LHX4: variants seen among roughly 807,000 people sequenced by gnomAD.
LHX4 encodes LIM/homeobox protein Lhx4.
A neutral mutation model predicts 39.2 loss-of-function variants in LHX4; 16 were observed. That is an observed-to-expected ratio of 0.41 (90% CI 0.28 to 0.62). LHX4 has a LOEUF of 0.62. Among genes scored for constraint, LHX4 ranks in the 20% least tolerant of loss-of-function variants. The probability of loss-of-function intolerance (pLI) is 0.33; values close to 1 mark genes in which losing one functional copy is unlikely to be tolerated. For missense variants in LHX4, 439 were observed against 511.9 expected (o/e 0.86, Z 1.37); for synonymous variants, 206 against 198.1 (o/e 1.04, Z -0.33).
At chr1:180,246,920 G>A (rs1015965369) in intron 1 of LHX4, among the ~76,000 whole-genome samples, 4 of 152,184 alleles carry the variant, frequency 2.6e-5, no homozygotes, top group Non-Finnish European at 5.9e-5. Context: ...GGCAGTGACC[G>A]TTTAGACAAA....
chr1:180,256,578 T>C (rs2149259627), intron 2 of LHX4, among the ~76,000 whole-genome samples: 1 of 152,268 alleles, frequency 6.6e-6, no homozygotes, highest in South Asian at 2.1e-4. Context: ...TTTGGGACTC[T>C]GACAATTGAT....
Position 180,274,379 on chromosome 1 carries a change from C to T in LHX4, c.973C>T (p.Pro325Ser), listed in dbSNP as rs148293290. The T allele has an allele frequency of 5.6e-6, 9 of 1,614,092 alleles. No individual in the cohort carries two copies. In the African/African-American group the frequency reaches 1.2e-4, roughly 22 times the overall value. The stretch of plus-strand genomic sequence containing the variant: ...CATATCGTCCCTGCCATCCCACGCT[C>T]CTTTGCTCAATGGGCTGGATTACAC... The part of the protein sequence containing the change: ...SSISSLPSHA[P>S]LLNGLDYTVD... The change falls in exon 6 of 6, where the codon CCT becomes TCT. Residue 325 changes from proline to serine, a missense_variant. Physicochemically the swap from Pro to Ser is moderately conservative, Grantham distance 74 (BLOSUM62 -1). Transcript: ENST00000263726.
chr1:180,238,844 G>T (rs559520567), intron 1 of LHX4, among the ~76,000 whole-genome samples: 1 of 152,310 alleles, frequency 6.6e-6, no homozygotes, highest in South Asian at 2.1e-4. Context: ...GGGTTGGGGG[G>T]CGGCACACAC....
At chr1:180,246,945 G>T (rs1193042075) in intron 1 of LHX4, among the ~76,000 whole-genome samples, 1 of 152,216 alleles carries the variant, frequency 6.6e-6, no homozygotes, top group Non-Finnish European at 1.5e-5. Context: ...GAGCAAAGGT[G>T]TCTTTTATAA....
At chr1:180,229,872 C>T (rs1345151518), upstream of LHX4, among the ~76,000 whole-genome samples, 1 of 151,472 alleles carries the variant, frequency 6.6e-6, no homozygotes, top group Admixed American at 6.6e-5. Flanking sequence ...CCGCCGTCTC[C>T]GACCACCTGC....
intron 2 of LHX4, among the ~76,000 whole-genome samples, chr1:180,256,722 A>G (rs1447429100): frequency 6.6e-6 from 1 of 152,122 alleles, no homozygotes; most frequent in East Asian, 1.9e-4. Context: ...AGTGGGAGTC[A>G]GGGGTGGCTT....
At chr1:180,244,953 G>A (rs1419880561) in intron 1 of LHX4, among the ~76,000 whole-genome samples, 3 of 152,356 alleles carry the variant, frequency 2.0e-5, no homozygotes, top group African/African-American at 7.2e-5. Context: ...CTCCTGCCAC[G>A]GCTGTGCCCC....
chr1:180,242,482 G>C (rs147503579), intron 1 of LHX4, among the ~76,000 whole-genome samples: 1 of 152,094 alleles, frequency 6.6e-6, no homozygotes, highest in Non-Finnish European at 1.5e-5. Flanking sequence ...GTGTGGGCGT[G>C]TATATATATC....
chr1:180,259,011 G>A (rs1467542926), intron 2 of LHX4, among the ~76,000 whole-genome samples: 1 of 151,962 alleles, frequency 6.6e-6, no homozygotes, highest in Non-Finnish European at 1.5e-5. Flanking sequence ...GTTTGGTTTT[G>A]GACTCCAAAT....
chr1:180,273,882 T>C (rs1648843882), intron 5 of LHX4: 3 of 418,358 alleles, frequency 7.2e-6, no homozygotes, highest in Non-Finnish European at 1.3e-5. Flanking sequence ...GCATTCATCC[T>C]CCTCAGTGTA....
intron 1 of LHX4, among the ~76,000 whole-genome samples, chr1:180,246,522 G>A (rs2149255897): frequency 6.6e-6 from 1 of 152,214 alleles, no homozygotes; most frequent in Non-Finnish European, 1.5e-5. Context: ...GACCAGCCTG[G>A]CCAACATAGT....
intron 2 of LHX4, among the ~76,000 whole-genome samples, chr1:180,252,260 G>A (rs1432661826): frequency 6.6e-6 from 1 of 152,170 alleles, no homozygotes; most frequent in Non-Finnish European, 1.5e-5. Context: ...GCTGGGGCAG[G>A]AGGGGGCAAG....
intron 3 of LHX4, among the ~76,000 whole-genome samples, chr1:180,267,882 C>T (rs1459832899): frequency 6.6e-6 from 1 of 152,080 alleles, no homozygotes; most frequent in Non-Finnish European, 1.5e-5. Flanking sequence ...TTCATAAGGG[C>T]CCTTTAGGTG....
rs959684811 is a variant in LHX4, at chr1:180,275,750, G to A, written c.*1171G>A. 2 of 152,192 alleles carry A rather than the reference G, an allele frequency of 1.3e-5. No individual in the cohort carries two copies. Among genetic ancestry groups the A allele is most frequent in the African/African-American group, 4.8e-5 (2 of 41,438 alleles). 9.4% of individuals were successfully genotyped at this position (152,192 alleles called of 1,614,324 possible). ...AAAATTGTCCAAAGGGTTCTAAGTGGTTCTTGGGCTGCATCTCTCTGGATT... is the reference window on the plus strand; with the variant it reads ...AAAATTGTCCAAAGGGTTCTAAGTGATTCTTGGGCTGCATCTCTCTGGATT... On this transcript the variant is annotated 3_prime_UTR_variant, in exon 6 of 6. Transcript: ENST00000263726.
chr1:180,246,328 T>C (rs552523094), intron 1 of LHX4, among the ~76,000 whole-genome samples: 2 of 152,362 alleles, frequency 1.3e-5, no homozygotes, highest in South Asian at 4.1e-4. Flanking sequence ...TTTAGATGTG[T>C]TTAAAATTTT....
At chr1:180,251,738 C>T (rs763246096) in intron 2 of LHX4, among the ~76,000 whole-genome samples, 7 of 152,356 alleles carry the variant, frequency 4.6e-5, no homozygotes, top group African/African-American at 1.2e-4. Flanking sequence ...CATTTAGCCA[C>T]GGTCACTTCC....
At chr1:180,235,203 C>G (rs7551929) in intron 1 of LHX4, among the ~76,000 whole-genome samples, 56,127 of 152,264 alleles carry the variant, frequency 0.37, 10,631 homozygotes, top group Non-Finnish European at 0.41. Flanking sequence ...GAGGTTCCTG[C>G]GCCTTGGCCC....
rs569597020 is a variant in LHX4 at position 180,255,323 on chromosome 1, C to T, written c.248+6867C>T. ...GCCAGGCCATGCAGGCATGATCGTG[C>T]GTACACACACACATGCACACATGCA... On this transcript the variant is annotated intron_variant, in intron 2 of 5. Transcript: ENST00000263726. 4.6e-5 allele frequency among the ~76,000 whole-genome samples: 7 copies of T among 152,346 alleles called. No individual in the cohort carries two copies. In the East Asian group the frequency reaches 5.8e-4, roughly 13 times the overall value.
At chr1:180,269,870 G>A (rs1648531003) in intron 3 of LHX4, 1 of 151,566 alleles carries the variant, frequency 6.6e-6, no homozygotes, top group South Asian at 2.1e-4. Flanking sequence ...TCTGTGGCAG[G>A]GGCTCCGGAA....
Sources: gnomAD v4.1 joint callset for allele counts (sites outside exome capture counted in the v4.1 genomes callset) on GRCh38, gnomAD v4.1.1 for gene constraint, MANE v1.5 for transcripts, NCBI Gene and HGNC (gene_info 2026-07-23, HGNC 2026-07-21) for gene names.